Variants in BARD1 observed in about 807,000 individuals in gnomAD.
BARD1 encodes BRCA1-associated RING domain protein 1.
Under a neutral mutation model 77.0 loss-of-function variants are expected in BARD1, and 73 were observed. The ratio of observed to expected loss-of-function variants is 0.95; its 90% CI spans 0.79 to 1.15. The LOEUF is 1.15. BARD1 is among the 50% of genes most tolerant of loss of function. The probability of loss-of-function intolerance (pLI) is 0.00; values close to 1 mark genes in which losing one functional copy is unlikely to be tolerated. For missense variants in BARD1, 993 were observed against 938.8 expected (o/e 1.06, Z -0.75); for synonymous variants, 384 against 338.0 (o/e 1.14, Z -1.49).
intron 9 of BARD1, among the ~76,000 whole-genome samples, chr2:214,736,556 C>T (rs772188019): frequency 1.3e-5 from 2 of 152,088 alleles, no homozygotes; most frequent in Non-Finnish European, 2.9e-5. Flanking sequence ...GTAGGCTGTG[C>T]TTGTGCCAGC....
intron 1 of BARD1, among the ~76,000 whole-genome samples, chr2:214,808,045 C>T (rs1696356261): frequency 6.6e-6 from 1 of 152,214 alleles, no homozygotes; most frequent in Admixed American, 6.5e-5. Flanking sequence ...CATTTTGTCA[C>T]AGATATTAAA....
chr2:214,731,563 T>TA (rs1281153706), intron 9 of BARD1, among the ~76,000 whole-genome samples: 1 of 152,164 alleles, frequency 6.6e-6, no homozygotes, highest in Non-Finnish European at 1.5e-5. Context: ...CCTATGGAAA[T>TA]AAAAAATGAA....
intron 2 of BARD1, among the ~76,000 whole-genome samples, chr2:214,792,843 G>C (rs1695593091): frequency 6.6e-6 from 1 of 152,102 alleles, no homozygotes; most frequent in African/African-American, 2.4e-5. Context: ...CTTCTGTTTT[G>C]TTTTGGGACT....
At chr2:214,788,073 A>G (rs1695351643) in intron 3 of BARD1, among the ~76,000 whole-genome samples, 1 of 152,072 alleles carries the variant, frequency 6.6e-6, no homozygotes, top group African/African-American at 2.4e-5. Flanking sequence ...TCTATTATAA[A>G]AAAGTCATAG....
At chr2:214,789,046 T>C (rs867609291) in intron 3 of BARD1, among the ~76,000 whole-genome samples, 3 of 152,110 alleles carry the variant, frequency 2.0e-5, no homozygotes, top group South Asian at 2.1e-4. Context: ...CTCTACACCA[T>C]GGAATTTAGA....
rs1692056076 is a variant in BARD1, at chr2:214,725,705, A to G, written c.*2971T>C. 1 of 222,542 alleles carries G rather than the reference A, an allele frequency of 4.5e-6. No homozygotes were observed. Among genetic ancestry groups the G allele is most frequent in the East Asian group, 6.5e-5 (1 of 15,280 alleles). The allele number at this position is 222,542 out of a possible 1,614,324, so 13.8% of individuals were successfully genotyped here. A position where few individuals can be genotyped will look rare whatever the true frequency, so the allele number is the denominator to read the frequency against. ...ATGTGCGTATCTTTGAAAAGGGTTG[A>G]CTTATAAAGAAATACATGAAGTTTA... On this transcript the variant is annotated 3_prime_UTR_variant, in exon 11 of 11. Coordinates refer to ENST00000260947, the MANE Select transcript of BARD1 (RefSeq NM_000465.4).
chr2:214,795,172 C>T (rs758006650), intron 2 of BARD1, among the ~76,000 whole-genome samples: 2 of 152,108 alleles, frequency 1.3e-5, no homozygotes, highest in African/African-American at 2.4e-5. Flanking sequence ...GGCATCATTT[C>T]GTAAGCAGAT....
intron 6 of BARD1, among the ~76,000 whole-genome samples, chr2:214,760,014 G>C (rs975849456): frequency 1.3e-5 from 2 of 152,064 alleles, no homozygotes; most frequent in African/African-American, 4.8e-5. Flanking sequence ...CCTATGTCTA[G>C]TCTTCCACAC....
chr2:214,763,682 A>C (rs1156826194), intron 6 of BARD1, among the ~76,000 whole-genome samples: 1 of 152,200 alleles, frequency 6.6e-6, no homozygotes, highest in Admixed American at 6.5e-5. Context: ...GGTTATTGAG[A>C]AAAGAGTTCC....
Position 214,728,910 on chromosome 2 carries a change from G to A in BARD1, c.2100C>T (p.Gly700=), listed in dbSNP as rs1692220418. The A allele has an allele frequency of 6.2e-7, 1 of 1,614,142 alleles. No homozygotes were observed. The highest frequency in any genetic ancestry group is 8.5e-7 in the Non-Finnish European group (1 of 1,180,024). ...GCTTGGGCTTTCTACTGAGGATCTG[G>A]CCCCCACCTGCAGTGACGAGCTTAA... is the stretch of plus-strand genomic sequence containing the variant. ...NLIKLVTAGG[G]QILSRKPKPD... Residue 700 remains glycine, a synonymous_variant, in exon 11 of 11, where the codon GGC becomes GGT. Transcript: ENST00000260947.
intron 3 of BARD1, among the ~76,000 whole-genome samples, chr2:214,785,269 T>G (rs529015211): frequency 6.6e-6 from 1 of 152,072 alleles, no homozygotes; most frequent in Non-Finnish European, 1.5e-5. Context: ...TTTTTCTTCA[T>G]TGACAAATCA....
intron 9 of BARD1, among the ~76,000 whole-genome samples, chr2:214,734,917 T>C (rs771082045): frequency 6.6e-6 from 1 of 152,168 alleles, no homozygotes; most frequent in East Asian, 1.9e-4. Flanking sequence ...ACAGTAGTTA[T>C]GTTCTATAAA....
At position 214,767,506 on chromosome 2, in the gene BARD1, G is replaced by C. The variant is rs746878509; in HGVS notation, c.1544C>G (p.Ser515Cys). 7 of 1,613,790 alleles carry C rather than the reference G, an allele frequency of 4.3e-6. No individual in the cohort carries two copies. The highest frequency in any genetic ancestry group is 2.2e-5 in the East Asian group (1 of 44,864). ...GHVDIVKLLL[S>C]YGASRNAVNI... The stretch of plus-strand genomic sequence containing the variant: ...CACAGCATTTCTGGAGGCTCCATAG[G>C]AAAGTAACAGCTTGACTATATCCAC... Residue 515 changes from serine (S) to cysteine (C), a missense_variant, in exon 6 of 11, where the codon TCC (serine) becomes TGC (cysteine). Transcript: ENST00000260947.
At chr2:214,801,605 T>C (rs1041192880) in intron 1 of BARD1, among the ~76,000 whole-genome samples, 3 of 152,200 alleles carry the variant, frequency 2.0e-5, no homozygotes, top group East Asian at 1.9e-4. Flanking sequence ...CAACTATTAT[T>C]AGCCTATGTC....
At chr2:214,741,669 T>C (rs1692837049) in intron 9 of BARD1, among the ~76,000 whole-genome samples, 1 of 152,132 alleles carries the variant, frequency 6.6e-6, no homozygotes, top group African/African-American at 2.4e-5. Flanking sequence ...TTCTTATCTA[T>C]AGCTCCTATT....
At chr2:214,762,117 T>C (rs1693993542) in intron 6 of BARD1, among the ~76,000 whole-genome samples, 2 of 152,192 alleles carry the variant, frequency 1.3e-5, no homozygotes, top group South Asian at 4.1e-4. Flanking sequence ...TTGGAAACTT[T>C]TTGAGCACCA....
At chr2:214,763,033 G>A (rs1028143246) in intron 6 of BARD1, among the ~76,000 whole-genome samples, 32 of 152,098 alleles carry the variant, frequency 2.1e-4, no homozygotes, top group African/African-American at 7.7e-4. Flanking sequence ...AGCACACACA[G>A]CCTTTCAAAG....
chr2:214,767,531 C>T lies in BARD1; in HGVS notation c.1519G>A (p.Val507Met), dbSNP rs2070094. 0.37 allele frequency: 591,503 copies of T among 1,612,252 alleles called. 109,657 individuals carry two copies. Among genetic ancestry groups the T allele is most frequent in the South Asian group, 0.41 (37,044 of 91,042 alleles). Residue 507 changes from valine to methionine, a missense_variant, in exon 6 of 11, where the codon GTG becomes ATG. Val to Met is a conservative substitution (Grantham distance 21). Transcript: ENST00000260947. ...GAAAGTAACAGCTTGACTATATCCACATGCCCATTCTTGGCTGCATCGTGA... is the reference window on the plus strand; with the variant it reads ...GAAAGTAACAGCTTGACTATATCCATATGCCCATTCTTGGCTGCATCGTGA... ...PLHDAAKNGH[V>M]DIVKLLLSYG...
chr2:214,789,349 G>C (rs1695415256), intron 3 of BARD1, among the ~76,000 whole-genome samples: 1 of 151,034 alleles, frequency 6.6e-6, no homozygotes, highest in African/African-American at 2.4e-5. Flanking sequence ...GGGCAACACA[G>C]CAAGACCCTA....
Sources: allele counts gnomAD v4.1 joint callset (sites outside exome capture counted in the v4.1 genomes callset), GRCh38; gene constraint gnomAD v4.1.1; transcripts MANE v1.5; gene names NCBI Gene and HGNC (gene_info 2026-07-23, HGNC 2026-07-21).